PDE10A: variants seen among roughly 807,000 people sequenced by gnomAD.
PDE10A encodes cAMP and cAMP-inhibited cGMP 3',5'-cyclic phosphodiesterase 10A.
PDE10A carries 39 observed loss-of-function variants against 97.7 expected under a neutral mutation model. The observed-to-expected ratio is 0.40, with a 90% CI of 0.31 to 0.52. PDE10A has a LOEUF of 0.52. PDE10A is among the 20% of genes least tolerant of loss of function. The probability of loss-of-function intolerance (pLI) is 0.56; values close to 1 mark genes in which losing one functional copy is unlikely to be tolerated. For synonymous variants in PDE10A, 371 were observed against 376.8 expected (o/e 0.98, Z 0.18); for missense variants, 731 against 1,047.8 (o/e 0.70, Z 4.17).
chr6:165,531,272 G>A (rs1181367635), intron 2 of PDE10A, among the ~76,000 whole-genome samples: 3 of 151,328 alleles, frequency 2.0e-5, no homozygotes, highest in Admixed American at 6.6e-5. Flanking sequence ...TAGATTCAAA[G>A]CTCCATTATA....
chr6:165,448,961 T>C lies in PDE10A; in HGVS notation c.1161A>G (p.Gly387=). 6.2e-7 allele frequency: 1 copy of C among 1,613,160 alleles called. No individual in the cohort carries two copies. The highest frequency in any genetic ancestry group is 8.5e-7 in the Non-Finnish European group (1 of 1,179,250). ...SIIKIATKAD[G]FALYFLGECN... is the part of the protein sequence containing the mutation. ...ACTCTCCAAGGAAATACAGTGCAAA[T>C]CCATCGGCTTTTGTGGCTGCCAAAG... Residue 387 remains glycine (G), a synonymous_variant, in exon 5 of 22, where the codon GGA becomes GGG. Coordinates refer to ENST00000539869, the MANE Select transcript of PDE10A (RefSeq NM_001385079.1).
intron 18 of PDE10A, among the ~76,000 whole-genome samples, chr6:165,352,995 A>G (rs1490132768): frequency 5.3e-5 from 8 of 152,202 alleles, no homozygotes; most frequent in Non-Finnish European, 5.9e-5. Flanking sequence ...AAATTCAACA[A>G]TAAGAAAACA....
intron 3 of PDE10A, among the ~76,000 whole-genome samples, chr6:165,467,846 T>C (rs1778748686): frequency 6.6e-6 from 1 of 152,206 alleles, no homozygotes; most frequent in South Asian, 2.1e-4. Context: ...TCAAACAGCG[T>C]TGCATGCTGC....
At chr6:165,621,973 T>G (rs1475178156) in intron 1 of PDE10A, among the ~76,000 whole-genome samples, 1 of 152,156 alleles carries the variant, frequency 6.6e-6, no homozygotes, top group East Asian at 1.9e-4. Flanking sequence ...AAAATGTGAT[T>G]AACATTTAAA....
intron 2 of PDE10A, among the ~76,000 whole-genome samples, chr6:165,510,750 T>C (rs548273645): frequency 7.9e-5 from 12 of 152,206 alleles, no homozygotes; most frequent in African/African-American, 2.9e-4. Context: ...TGATTCAATC[T>C]TGGTAGAATG....
At chr6:165,745,910 G>A (rs1009787437) in intron 1 of PDE10A, among the ~76,000 whole-genome samples, 1 of 152,200 alleles carries the variant, frequency 6.6e-6, no homozygotes, top group South Asian at 2.1e-4. Flanking sequence ...ATACACGATT[G>A]GGGTGTGTGT....
intron 1 of PDE10A, among the ~76,000 whole-genome samples, chr6:165,550,153 T>G (rs1024042874): frequency 2.6e-5 from 4 of 152,154 alleles, no homozygotes; most frequent in African/African-American, 9.7e-5. Context: ...CTTAAAAGAA[T>G]TATTTTCTGC....
intron 1 of PDE10A, among the ~76,000 whole-genome samples, chr6:165,932,599 G>T (rs1203808763): frequency 2.6e-5 from 4 of 152,156 alleles, no homozygotes; most frequent in Non-Finnish European, 5.9e-5. Flanking sequence ...GCCTCCCAAA[G>T]TTCTGAAATT....
chr6:165,707,146 A>G (rs957604994), intron 1 of PDE10A, among the ~76,000 whole-genome samples: 2 of 152,230 alleles, frequency 1.3e-5, no homozygotes, highest in Non-Finnish European at 2.9e-5. Flanking sequence ...TTGACCCTCA[A>G]AGTAGCTGGA....
rs35069498 is a variant in PDE10A at position 165,498,423 on chromosome 6, CAAAAAAAAAAAAAAAAAAAAAAAAAA to C, written c.995-16106_995-16081del. On this transcript the variant is annotated intron_variant, in intron 2 of 21. Coordinates refer to ENST00000539869, the MANE Select transcript of PDE10A (RefSeq NM_001385079.1). ...GGATGACAGAGCAAGACCCTGTCTC[CAAAAAAAAAAAAAAAAAAAAAAAAAA>C]AAAAAAAAAAAAAAAAATCAGTAAC... 0.013 allele frequency among the ~76,000 whole-genome samples: 287 copies of C among 22,902 alleles called. 13 individuals are homozygous for C. The East Asian group carries it at 0.14, about 11-fold the overall frequency. 15.0% of individuals were successfully genotyped at this position (22,902 alleles called of 152,430 possible). A position where few individuals can be genotyped will look rare whatever the true frequency, so the allele number is the denominator to read the frequency against.
At chr6:165,906,424 AG>A (rs58927503) in intron 1 of PDE10A, among the ~76,000 whole-genome samples, 1 of 152,148 alleles carries the variant, frequency 6.6e-6, no homozygotes, top group African/African-American at 2.4e-5. Flanking sequence ...CTTGAATGAC[AG>A]GGGTTATGCA....
intron 1 of PDE10A, among the ~76,000 whole-genome samples, chr6:165,925,287 A>C (rs1459381196): frequency 2.6e-5 from 4 of 152,238 alleles, no homozygotes; most frequent in Middle Eastern, 3.2e-3. Context: ...TCACTCGTAC[A>C]TTGCTGGTGG....
At chr6:165,978,634 A>G (rs950229087) in intron 1 of PDE10A, among the ~76,000 whole-genome samples, 6 of 152,226 alleles carry the variant, frequency 3.9e-5, no homozygotes, top group Admixed American at 1.3e-4. Flanking sequence ...AAAAATGTCA[A>G]TGTCCTGGAG....
intron 1 of PDE10A, chr6:165,949,038 C>T (rs1332840449): frequency 6.6e-6 from 1 of 152,248 alleles, no homozygotes; most frequent in African/African-American, 2.4e-5. Flanking sequence ...GGTAAATAAT[C>T]TGAGTTTTGA....
At chr6:165,706,540 T>A (rs1016629920) in intron 1 of PDE10A, among the ~76,000 whole-genome samples, 1 of 152,336 alleles carries the variant, frequency 6.6e-6, no homozygotes, top group African/African-American at 2.4e-5. Context: ...TGTCCCTTCC[T>A]CCCTAGCCTG....
intron 3 of PDE10A, among the ~76,000 whole-genome samples, chr6:165,458,760 C>T (rs1284911851): frequency 6.6e-6 from 1 of 152,126 alleles, no homozygotes; most frequent in Non-Finnish European, 1.5e-5. Flanking sequence ...TATTCCTAGA[C>T]ACTTCAGTGT....
chr6:165,501,163 T>C (rs1281585727), intron 2 of PDE10A, among the ~76,000 whole-genome samples: 3 of 152,192 alleles, frequency 2.0e-5, no homozygotes, highest in African/African-American at 7.2e-5. Context: ...CTATACTTTG[T>C]GCCTGTGTCT....
intron 1 of PDE10A, among the ~76,000 whole-genome samples, chr6:165,544,820 AACACACAC>A (rs35620564): frequency 2.7e-5 from 4 of 150,006 alleles, no homozygotes; most frequent in African/African-American, 9.8e-5. Context: ...AGTCAATTTA[AACACACAC>A]ACACACACAC....
chr6:165,379,837 T>C (rs1784829064), intron 17 of PDE10A, among the ~76,000 whole-genome samples: 1 of 152,218 alleles, frequency 6.6e-6, no homozygotes. Flanking sequence ...ACATGCTTAA[T>C]AGACAGTAAT....
Sources: allele counts gnomAD v4.1 joint callset (sites outside exome capture counted in the v4.1 genomes callset), GRCh38; gene constraint gnomAD v4.1.1; transcripts MANE v1.5; gene names NCBI Gene and HGNC (gene_info 2026-07-23, HGNC 2026-07-21).